LYRM4: variants seen among roughly 807,000 people sequenced by gnomAD.
LYRM4 encodes LYR motif containing 4.
A neutral mutation model predicts 11.7 loss-of-function variants in LYRM4; 9 were observed. The ratio of observed to expected loss-of-function variants is 0.77; its 90% CI spans 0.46 to 1.34. The LOEUF (loss-of-function observed/expected upper bound fraction) is 1.34, where lower values mean the gene tolerates loss of function less well. Ranked by LOEUF, LYRM4 falls within the 40% of genes most tolerant of loss-of-function variation. The probability of loss-of-function intolerance (pLI) is 0.00; values close to 1 mark genes in which losing one functional copy is unlikely to be tolerated. For synonymous variants in LYRM4, 42 were observed against 40.4 expected (o/e 1.04, Z -0.15); for missense variants, 133 against 112.5 (o/e 1.18, Z -0.82).
At chr6:5,122,843 C>T (rs1178745348) in intron 2 of LYRM4, among the ~76,000 whole-genome samples, 1 of 152,226 alleles carries the variant, frequency 6.6e-6, no homozygotes, top group East Asian at 1.9e-4. Context: ...GCTCAGCATC[C>T]CAGGCATCCT....
the LYRM4 span, among the ~76,000 whole-genome samples, chr6:5,092,290 T>C: frequency 1.3e-5 from 2 of 152,186 alleles, no homozygotes; most frequent in African/African-American, 2.4e-5. Flanking sequence ...CTTGACAGCT[T>C]TGGGTAAAGA....
the LYRM4 span, chr6:5,086,791 C>T: frequency 1.8e-6 from 1 of 561,436 alleles, no homozygotes; most frequent in Non-Finnish European, 3.1e-6. Flanking sequence ...CCTCAGTCTT[C>T]TCGTCCGTTT....
chr6:5,118,095 T>TTTTTGTTTTG (rs1554126848), intron 2 of LYRM4, among the ~76,000 whole-genome samples: 8 of 96,884 alleles, frequency 8.3e-5, no homozygotes, highest in African/African-American at 3.2e-4. Context: ...TATATATATA[T>TTTTTGTTTTG]TTTTGTTTTG....
chr6:5,227,945 G>T (rs755678579), intron 1 of LYRM4, among the ~76,000 whole-genome samples: 1 of 152,122 alleles, frequency 6.6e-6, no homozygotes, highest in Non-Finnish European at 1.5e-5. Flanking sequence ...AGAACACATG[G>T]ACACAGGGAG....
chr6:5,057,321 C>T, the LYRM4 span, among the ~76,000 whole-genome samples: 2 of 152,118 alleles, frequency 1.3e-5, no homozygotes, highest in East Asian at 1.9e-4. Flanking sequence ...CCTTCCCAAT[C>T]TTCTTCCTTC....
chr6:5,160,763 G>A (rs570121250), intron 2 of LYRM4, among the ~76,000 whole-genome samples: 2 of 152,148 alleles, frequency 1.3e-5, no homozygotes, highest in East Asian at 1.9e-4. Context: ...ACCAGGTAGG[G>A]TGGAAAGGCA....
the LYRM4 span, among the ~76,000 whole-genome samples, chr6:5,070,072 A>G: frequency 6.6e-6 from 1 of 152,256 alleles, no homozygotes; most frequent in East Asian, 1.9e-4. Context: ...CAACACTACA[A>G]TGCAGGCTCT....
At chr6:5,200,453 T>A (rs12660749) in intron 2 of LYRM4, among the ~76,000 whole-genome samples, 5 of 152,048 alleles carry the variant, frequency 3.3e-5, no homozygotes, top group African/African-American at 9.7e-5. Flanking sequence ...TGGAAGCACA[T>A]GAAATTTTCA....
intron 1 of LYRM4, among the ~76,000 whole-genome samples, chr6:5,251,922 C>T (rs558216838): frequency 1.1e-4 from 16 of 152,278 alleles, no homozygotes; most frequent in African/African-American, 3.6e-4. Context: ...ATCTGGATTG[C>T]GACTGGTAAT....
intron 2 of LYRM4, among the ~76,000 whole-genome samples, chr6:5,161,796 G>C (rs182818165): frequency 6.6e-6 from 1 of 152,180 alleles, no homozygotes; most frequent in Non-Finnish European, 1.5e-5. Context: ...GTAGGGCTGA[G>C]GAGAAGGAAA....
intron 2 of LYRM4, among the ~76,000 whole-genome samples, chr6:5,155,773 G>A (rs1758376425): frequency 6.6e-6 from 1 of 152,214 alleles, no homozygotes; most frequent in South Asian, 2.1e-4. Flanking sequence ...GTACGGAGGA[G>A]CACTTAGGAA....
At position 5,194,661 on chromosome 6, in the gene LYRM4, CTA is replaced by C. The variant is rs1177194008; in HGVS notation, c.207+21955_207+21956del. ...AAGTGAAAGCGTCTTTGGAAAAATA[CTA>C]CCTTTGAAAATTATCCATAAATGGC... On this transcript the variant is annotated intron_variant, in intron 2 of 2. Coordinates refer to ENST00000330636, the MANE Select transcript of LYRM4 (RefSeq NM_020408.6). Among the ~76,000 whole-genome samples, 3 of 152,302 alleles carry C rather than the reference CTA, an allele frequency of 2.0e-5. No homozygotes were observed. The East Asian group carries it at 5.8e-4, about 29-fold the overall frequency.
the LYRM4 span, among the ~76,000 whole-genome samples, chr6:5,049,672 ATT>A: frequency 8.4e-5 from 12 of 143,310 alleles, no homozygotes; most frequent in Admixed American, 7.0e-5. Flanking sequence ...GGGCAGTGTC[ATT>A]TTTTTTTTTT....
At chr6:5,131,632 A>G (rs1414914787) in intron 2 of LYRM4, among the ~76,000 whole-genome samples, 2 of 152,206 alleles carry the variant, frequency 1.3e-5, no homozygotes, top group Non-Finnish European at 2.9e-5. Flanking sequence ...TTCATCAAGG[A>G]CTAGGCCAAA....
Position 5,144,209 on chromosome 6 carries a change from G to C in LYRM4, c.208-34718C>G. The C allele has an allele frequency of 3.3e-6, 5 of 1,536,942 alleles. No individual in the cohort carries two copies. In the South Asian group the frequency reaches 4.8e-5, roughly 15 times the overall value. On this transcript the variant is annotated intron_variant, in intron 2 of 2. Transcript: ENST00000330636. ...GCCAACTTGTGCAGGGCTTCCCCAG[G>C]CTCCGGCTGCTGTTCCCCGACTTCC...
chr6:5,206,095 T>A (rs1050282663), intron 2 of LYRM4, among the ~76,000 whole-genome samples: 2 of 152,226 alleles, frequency 1.3e-5, no homozygotes, highest in African/African-American at 4.8e-5. Flanking sequence ...GGCTTTCCCT[T>A]TATAGTCAGT....
chr6:5,208,980 C>A lies in LYRM4; in HGVS notation c.207+7638G>T, dbSNP rs140179409. The stretch of plus-strand genomic sequence containing the variant: ...AAAGATATAGGGTTCACTTAGGGGG[C>A]AGTTCTGGTCATTGTATATAAATTC... On this transcript the variant is annotated intron_variant, in intron 2 of 2. Coordinates refer to ENST00000330636, the MANE Select transcript of LYRM4 (RefSeq NM_020408.6). Among the ~76,000 whole-genome samples, 327 of 152,252 alleles carry A rather than the reference C, an allele frequency of 2.1e-3. 2 individuals carry two copies. The highest frequency in any genetic ancestry group is 6.9e-3 in the African/African-American group (286 of 41,538).
chr6:5,170,482 T>TTTTATTTATTTATTTA (rs61679234), intron 2 of LYRM4, among the ~76,000 whole-genome samples: 5 of 151,360 alleles, frequency 3.3e-5, no homozygotes, highest in African/African-American at 1.2e-4. Flanking sequence ...ACTTTATTTC[T>TTTTATTTATTTATTTA]TTTATTTATT....
At chr6:5,120,186 T>C (rs1403246381) in intron 2 of LYRM4, among the ~76,000 whole-genome samples, 1 of 152,130 alleles carries the variant, frequency 6.6e-6, no homozygotes, top group Admixed American at 6.5e-5. Context: ...TGAGGCACGG[T>C]GCCTGGCCGG....
Sources: allele counts gnomAD v4.1 joint callset (sites outside exome capture counted in the v4.1 genomes callset), GRCh38; gene constraint gnomAD v4.1.1; transcripts MANE v1.5; gene names NCBI Gene and HGNC (gene_info 2026-07-23, HGNC 2026-07-21).